DAPK1: variants seen among roughly 807,000 people sequenced by gnomAD.
DAPK1 encodes death-associated protein kinase 1.
DAPK1 carries 56 observed loss-of-function variants against 144.9 expected under a neutral mutation model. The ratio of observed to expected loss-of-function variants is 0.39; its 90% CI spans 0.31 to 0.48. The LOEUF is 0.48. DAPK1 is among the 20% of genes least tolerant of loss of function. The probability of loss-of-function intolerance (pLI) is 0.95; values close to 1 mark genes in which losing one functional copy is unlikely to be tolerated. For missense variants in DAPK1, 1,454 were observed against 1,875.4 expected (o/e 0.78, Z 4.15); for synonymous variants, 690 against 749.0 (o/e 0.92, Z 1.29).
Position 87,505,307 on chromosome 9 carries a change from C to G in DAPK1, c.62+6168C>G, listed in dbSNP as rs550931032. ...TGATTATGAGACAAAGGAAGCCACT[C>G]TTCTGACAAGAGGGGAGTGGTTTCC... On this transcript the variant is annotated intron_variant, in intron 2 of 25. Transcript: ENST00000408954. 7.2e-5 allele frequency among the ~76,000 whole-genome samples: 11 copies of G among 152,350 alleles called. No homozygotes were observed. The South Asian group carries it at 2.3e-3, about 32-fold the overall frequency.
intron 2 of DAPK1, among the ~76,000 whole-genome samples, chr9:87,516,739 T>C (rs1168962029): frequency 6.6e-6 from 1 of 152,180 alleles, no homozygotes; most frequent in Non-Finnish European, 1.5e-5. Flanking sequence ...GAATGCTTCC[T>C]ACAGTATGTA....
chr9:87,688,801 A>T (rs944881547), intron 21 of DAPK1, among the ~76,000 whole-genome samples: 1 of 150,324 alleles, frequency 6.7e-6, no homozygotes, highest in Non-Finnish European at 1.5e-5. Context: ...TACTTGTTCA[A>T]CTCTTTAAGT....
At chr9:87,633,051 T>C (rs1024907684) in intron 3 of DAPK1, 12 of 975,770 alleles carry the variant, frequency 1.2e-5, no homozygotes, top group African/African-American at 3.6e-5. Context: ...AGGATGAGTA[T>C]ATATGTAAGA....
chr9:87,511,734 G>A lies in DAPK1; in HGVS notation c.62+12595G>A, dbSNP rs569010580. On this transcript the variant is annotated intron_variant, in intron 2 of 25. Transcript: ENST00000408954. The stretch of plus-strand genomic sequence containing the variant: ...TGGTTTGTTTTTTTTTCTCCCAGAT[G>A]GAGTCTCACTCTGTCACCCGGCCTG... Among the ~76,000 whole-genome samples, 3 of 138,842 alleles carry A rather than the reference G, an allele frequency of 2.2e-5. No individual in the cohort carries two copies. The East Asian group carries it at 7.3e-4, about 34-fold the overall frequency. The allele number at this position is 138,842 out of a possible 152,430, so 91.1% of individuals were successfully genotyped here.
At chr9:87,656,075 C>A (rs1371617835) in intron 17 of DAPK1, among the ~76,000 whole-genome samples, 1 of 152,148 alleles carries the variant, frequency 6.6e-6, no homozygotes, top group Non-Finnish European at 1.5e-5. Flanking sequence ...AACACAGAAG[C>A]AACAATTCAG....
chr9:87,619,888 A>T (rs993512886), intron 3 of DAPK1, among the ~76,000 whole-genome samples: 3 of 152,208 alleles, frequency 2.0e-5, no homozygotes, highest in Non-Finnish European at 4.4e-5. Flanking sequence ...TCTGCAAAGA[A>T]GGAAAGAAAG....
At position 87,497,907 on chromosome 9, in the gene DAPK1, CGGGGACTTTGTTCCCTCCGCGGA is replaced by C; in HGVS notation, c.-301_-279del. 2.5e-6 allele frequency: 1 copy of C among 395,264 alleles called. No individual in the cohort carries two copies. The highest frequency in any genetic ancestry group is 3.6e-5 in the East Asian group (1 of 27,926). The allele number at this position is 395,264 out of a possible 1,614,324, so 24.5% of individuals were successfully genotyped here. On this transcript the variant is annotated 5_prime_UTR_variant, in exon 1 of 26. Coordinates refer to ENST00000408954, the MANE Select transcript of DAPK1 (RefSeq NM_004938.4). ...GAGGACAGCCGGACCGAGCCAACGC[CGGGGACTTTGTTCCCTCCGCGGA>C]GGGGACTCGGCAACTCGCAGCGGCA...
chr9:87,705,167 A>C (rs1825594001), intron 25 of DAPK1, among the ~76,000 whole-genome samples: 1 of 151,576 alleles, frequency 6.6e-6, no homozygotes, highest in African/African-American at 2.4e-5. Context: ...TCAAGCCTTT[A>C]GAGAAGTTGC....
chr9:87,553,743 G>A (rs944593907), intron 2 of DAPK1, among the ~76,000 whole-genome samples: 13 of 152,110 alleles, frequency 8.5e-5, no homozygotes, highest in Admixed American at 7.9e-4. Flanking sequence ...TGATCCGCCC[G>A]CCTGGGCCTC....
chr9:87,680,720 G>A (rs1824582623), intron 19 of DAPK1, among the ~76,000 whole-genome samples: 1 of 151,976 alleles, frequency 6.6e-6, no homozygotes, highest in South Asian at 2.1e-4. Flanking sequence ...GCATCAAAAT[G>A]CAATGGAAAT....
chr9:87,655,733 T>A (rs1436765110), intron 17 of DAPK1, among the ~76,000 whole-genome samples: 1 of 152,204 alleles, frequency 6.6e-6, no homozygotes, highest in Non-Finnish European at 1.5e-5. Flanking sequence ...TAACTTGCCG[T>A]GTTAGAAAGC....
intron 11 of DAPK1, among the ~76,000 whole-genome samples, chr9:87,643,877 C>T (rs944365241): frequency 2.0e-5 from 3 of 152,236 alleles, no homozygotes; most frequent in Middle Eastern, 3.4e-3. Flanking sequence ...GAACTGTAGC[C>T]ACTGACATAG....
At chr9:87,557,640 T>A (rs528865926) in intron 2 of DAPK1, among the ~76,000 whole-genome samples, 38 of 152,318 alleles carry the variant, frequency 2.5e-4, no homozygotes, top group African/African-American at 8.7e-4. Flanking sequence ...TGTTGGATTT[T>A]AAAAAATACC....
chr9:87,522,519 A>G (rs940987010), intron 2 of DAPK1, among the ~76,000 whole-genome samples: 4 of 152,066 alleles, frequency 2.6e-5, no homozygotes, highest in Non-Finnish European at 5.9e-5. Flanking sequence ...TTTCTTCTCT[A>G]TGATTTACTG....
chr9:87,640,670 G>A, intron 8 of DAPK1, 132 bp from the exon 9 acceptor site: 1 of 1,097,574 alleles, frequency 9.1e-7, no homozygotes. Flanking sequence ...AAAGACCGAT[G>A]TTGTTTTTGG....
intron 19 of DAPK1, 61 bp from the exon 20 acceptor site, chr9:87,681,343 T>C (rs946706294): frequency 1.1e-6 from 1 of 885,326 alleles, no homozygotes; most frequent in South Asian, 1.5e-5. Flanking sequence ...ATTAGGAATC[T>C]TGAGAATCAT....
In DAPK1 at chr9:87,638,142, C is replaced by G. The variant is rs1272553010; in HGVS notation, c.423+61C>G. ...GCAGATCACAGCCTTGGTTGTTTCT[C>G]TGCTAAGAAAAATTGAGGCATCTGA... On this transcript the variant is annotated intron_variant, in intron 4 of 25. Coordinates refer to ENST00000408954, the MANE Select transcript of DAPK1 (RefSeq NM_004938.4). 3.3e-6 allele frequency: 5 copies of G among 1,505,160 alleles called. No individual in the cohort carries two copies. In the East Asian group the frequency reaches 1.1e-4, roughly 34 times the overall value. 93.2% of individuals were successfully genotyped at this position (1,505,160 alleles called of 1,614,324 possible).
At chr9:87,501,095 C>T (rs958535720) in intron 2 of DAPK1, among the ~76,000 whole-genome samples, 9 of 152,116 alleles carry the variant, frequency 5.9e-5, no homozygotes, top group Non-Finnish European at 7.3e-5. Flanking sequence ...TATGACATCA[C>T]GTGTCACTGA....
At chr9:87,535,702 T>C (rs1825837353) in intron 2 of DAPK1, among the ~76,000 whole-genome samples, 1 of 152,226 alleles carries the variant, frequency 6.6e-6, no homozygotes, top group South Asian at 2.1e-4. Flanking sequence ...TCATAAACTT[T>C]CTAAATAAAT....
Sources: gnomAD v4.1 joint callset for allele counts (sites outside exome capture counted in the v4.1 genomes callset) on GRCh38, gnomAD v4.1.1 for gene constraint, MANE v1.5 for transcripts, NCBI Gene and HGNC (gene_info 2026-07-23, HGNC 2026-07-21) for gene names.